The following EXT1 variants were observed in gnomAD, a reference collection of about 807,000 sequenced individuals.
The protein encoded by EXT1 is exostosin glycosyltransferase 1.
Under a neutral mutation model 82.5 loss-of-function variants are expected in EXT1, and 20 were observed. The observed-to-expected ratio is 0.24, with a 90% CI of 0.17 to 0.35. The LOEUF is 0.35. Ranked by LOEUF, EXT1 falls within the 10% of genes least tolerant of loss-of-function variation. The pLI is 1.00. For missense variants in EXT1, 757 were observed against 936.5 expected (o/e 0.81, Z 2.50); for synonymous variants, 348 against 350.8 (o/e 0.99, Z 0.09).
chr8:117,846,264 T>C (rs1042923031), intron 1 of EXT1, among the ~76,000 whole-genome samples: 1 of 152,046 alleles, frequency 6.6e-6, no homozygotes, highest in East Asian at 1.9e-4. Flanking sequence ...TGTGCCACCA[T>C]GCTCAGTTAA....
intron 1 of EXT1, among the ~76,000 whole-genome samples, chr8:117,997,690 G>T (rs1187624692): frequency 1.3e-5 from 2 of 152,164 alleles, no homozygotes; most frequent in African/African-American, 2.4e-5. Flanking sequence ...ATTCAGTAGA[G>T]GTACAGAATA....
intron 1 of EXT1, among the ~76,000 whole-genome samples, chr8:117,964,960 G>A (rs1050908468): frequency 2.0e-5 from 3 of 152,100 alleles, no homozygotes; most frequent in African/African-American, 7.2e-5. Flanking sequence ...TTTACTCACT[G>A]TTATAAGTTC....
chr8:117,976,262 T>C (rs1338638750), intron 1 of EXT1, among the ~76,000 whole-genome samples: 1 of 152,196 alleles, frequency 6.6e-6, no homozygotes, highest in African/African-American at 2.4e-5. Flanking sequence ...GCAATTCCTT[T>C]GAGGCTATAT....
chr8:117,970,965 C>T (rs935148824), intron 1 of EXT1, among the ~76,000 whole-genome samples: 2 of 152,120 alleles, frequency 1.3e-5, no homozygotes, highest in African/African-American at 4.8e-5. Flanking sequence ...AGGGGGGTTA[C>T]CTAGCATGAT....
chr8:117,857,029 T>C (rs1812576565), intron 1 of EXT1, among the ~76,000 whole-genome samples: 1 of 152,218 alleles, frequency 6.6e-6, no homozygotes, highest in African/African-American at 2.4e-5. Context: ...CTGTGCTCTA[T>C]AAATAGATGG....
At chr8:117,883,565 T>C (rs1167845308) in intron 1 of EXT1, among the ~76,000 whole-genome samples, 1 of 152,210 alleles carries the variant, frequency 6.6e-6, no homozygotes, top group Non-Finnish European at 1.5e-5. Context: ...TCAGTCTCTC[T>C]CCTAAAGGCA....
chr8:117,992,603 C>T (rs1815458114), intron 1 of EXT1, among the ~76,000 whole-genome samples: 1 of 152,124 alleles, frequency 6.6e-6, no homozygotes, highest in Non-Finnish European at 1.5e-5. Flanking sequence ...CAGGCATTTT[C>T]TCCCAGGCCT....
intron 1 of EXT1, among the ~76,000 whole-genome samples, chr8:118,082,541 C>T (rs2129984441): frequency 6.6e-6 from 1 of 152,180 alleles, no homozygotes; most frequent in East Asian, 1.9e-4. Flanking sequence ...AAAATAAAAC[C>T]ATTATAAGGT....
At chr8:118,040,306 T>C (rs1816505866) in intron 1 of EXT1, among the ~76,000 whole-genome samples, 1 of 152,176 alleles carries the variant, frequency 6.6e-6, no homozygotes, top group South Asian at 2.1e-4. Context: ...TGATGAAAAG[T>C]TGTAAAAAAC....
At chr8:117,930,212 C>G (rs1248501984) in intron 1 of EXT1, among the ~76,000 whole-genome samples, 3 of 152,068 alleles carry the variant, frequency 2.0e-5, no homozygotes, top group Non-Finnish European at 4.4e-5. Context: ...TCATCCCAAC[C>G]AGTGGGACCA....
chr8:117,995,936 G>T (rs1472749486), intron 1 of EXT1, among the ~76,000 whole-genome samples: 1 of 152,118 alleles, frequency 6.6e-6, no homozygotes, highest in Non-Finnish European at 1.5e-5. Context: ...ATGAACGAAT[G>T]GACTGGGTAC....
rs558126901 is a variant in EXT1, at chr8:118,047,276, C to T, written c.962+62809G>A. Among the ~76,000 whole-genome samples, 7 of 152,218 alleles carry T rather than the reference C, an allele frequency of 4.6e-5. No individual in the cohort carries two copies. In the South Asian group the frequency reaches 1.5e-3, roughly 32 times the overall value. On this transcript the variant is annotated intron_variant, in intron 1 of 10. Transcript: ENST00000378204. ...TAATAACGTGACCTTGGGCAAGATA[C>T]TCCCCTCCATGCATCCTTTTTCTTC... is the stretch of plus-strand genomic sequence containing the variant.
At chr8:117,851,861 G>A (rs1389264668) in intron 1 of EXT1, among the ~76,000 whole-genome samples, 1 of 152,164 alleles carries the variant, frequency 6.6e-6, no homozygotes, top group Non-Finnish European at 1.5e-5. Flanking sequence ...GGCTGAAAGG[G>A]CAGGGGACAA....
intron 1 of EXT1, among the ~76,000 whole-genome samples, chr8:118,000,922 C>T (rs1586335074): frequency 6.6e-6 from 1 of 152,146 alleles, no homozygotes; most frequent in East Asian, 1.9e-4. Context: ...GGGAGCCCAA[C>T]ATATGCTAGA....
At chr8:118,036,353 C>T (rs1478703485) in intron 1 of EXT1, among the ~76,000 whole-genome samples, 1 of 152,100 alleles carries the variant, frequency 6.6e-6, no homozygotes, top group African/African-American at 2.4e-5. Flanking sequence ...CTGACCTGTT[C>T]TATAGTCTCC....
intron 1 of EXT1, among the ~76,000 whole-genome samples, chr8:117,923,807 C>G (rs1813904883): frequency 6.6e-6 from 1 of 152,128 alleles, no homozygotes; most frequent in South Asian, 2.1e-4. Flanking sequence ...TGGAATAACA[C>G]TCTCTGAATC....
intron 1 of EXT1, among the ~76,000 whole-genome samples, chr8:117,961,896 T>G (rs936018370): frequency 6.6e-6 from 1 of 151,958 alleles, no homozygotes; most frequent in Non-Finnish European, 1.5e-5. Context: ...TTGAAAGGAG[T>G]CTTGATCTGC....
intron 1 of EXT1, among the ~76,000 whole-genome samples, chr8:117,962,608 C>T (rs1303657291): frequency 6.6e-6 from 1 of 152,142 alleles, no homozygotes; most frequent in African/African-American, 2.4e-5. Context: ...CAAAAATTAG[C>T]TGGGCTTTGT....
chr8:117,801,639 G>A (rs996157724), intron 10 of EXT1, among the ~76,000 whole-genome samples: 18 of 152,108 alleles, frequency 1.2e-4, no homozygotes, highest in Admixed American at 9.2e-4. Context: ...CCAAGTATCT[G>A]GGATTACAGG....
Sources: gnomAD v4.1 joint callset for allele counts (sites outside exome capture counted in the v4.1 genomes callset) on GRCh38, gnomAD v4.1.1 for gene constraint, MANE v1.5 for transcripts, NCBI Gene and HGNC (gene_info 2026-07-23, HGNC 2026-07-21) for gene names.